MGAT4C: variants seen among roughly 807,000 people sequenced by gnomAD.
MGAT4C encodes MGAT4 family member C.
A neutral mutation model predicts 40.1 loss-of-function variants in MGAT4C; 19 were observed. The ratio of observed to expected loss-of-function variants is 0.47; its 90% CI spans 0.33 to 0.70. MGAT4C has a LOEUF of 0.70. Among genes scored for constraint, MGAT4C ranks in the 30% least tolerant of loss-of-function variants. The pLI is 0.02. For missense variants in MGAT4C, 491 were observed against 563.2 expected, an observed-to-expected ratio of 0.87 and a Z score of 1.30; for synonymous variants, 181 against 187.1, an observed-to-expected ratio of 0.97 and a Z score of 0.27.
At chr12:86,764,406 G>A (rs536668468) in intron 1 of MGAT4C, among the ~76,000 whole-genome samples, 25 of 152,196 alleles carry the variant, frequency 1.6e-4, no homozygotes, top group Admixed American at 1.1e-3. Context: ...GAGGCCTGCC[G>A]GCCTCTGTAG....
At chr12:86,149,814 C>T (rs1338531194) in intron 1 of MGAT4C, among the ~76,000 whole-genome samples, 3 of 151,964 alleles carry the variant, frequency 2.0e-5, no homozygotes, top group Non-Finnish European at 4.4e-5. Flanking sequence ...TGAAGAACTA[C>T]CATGGTTCTC....
At chr12:86,337,774 T>A (rs1451841579) in intron 3 of MGAT4C, among the ~76,000 whole-genome samples, 1 of 152,182 alleles carries the variant, frequency 6.6e-6, no homozygotes, top group East Asian at 1.9e-4. Flanking sequence ...AGGATAAACA[T>A]ACTTCTGCTT....
At chr12:86,600,153 G>T (rs1230501035) in intron 2 of MGAT4C, among the ~76,000 whole-genome samples, 2 of 152,142 alleles carry the variant, frequency 1.3e-5, no homozygotes, top group Non-Finnish European at 2.9e-5. Context: ...TAGAAGCCAT[G>T]AAGAGTAAAA....
intron 2 of MGAT4C, among the ~76,000 whole-genome samples, chr12:86,555,248 T>C (rs1295099442): frequency 6.6e-6 from 1 of 152,126 alleles, no homozygotes; most frequent in African/African-American, 2.4e-5. Flanking sequence ...TAGTGTACCA[T>C]TTTTCTGTAT....
At chr12:86,236,618 A>T (rs559097944) in intron 1 of MGAT4C, among the ~76,000 whole-genome samples, 1 of 152,158 alleles carries the variant, frequency 6.6e-6, no homozygotes, top group East Asian at 1.9e-4. Context: ...GCCAACACAT[A>T]GAATGCTTCT....
intron 2 of MGAT4C, among the ~76,000 whole-genome samples, chr12:86,498,081 G>C (rs1056672740): frequency 2.0e-4 from 30 of 149,374 alleles, no homozygotes; most frequent in Non-Finnish European, 4.2e-4. Context: ...TACTGTAGTA[G>C]ATTTTTGTTT....
At chr12:86,360,430 C>A (rs1210242233) in intron 3 of MGAT4C, among the ~76,000 whole-genome samples, 2 of 152,146 alleles carry the variant, frequency 1.3e-5, no homozygotes, top group Admixed American at 6.6e-5. Context: ...TGGCACAAGA[C>A]AGGGATGCCC....
At chr12:85,981,161 T>C (rs1884561155) in intron 4 of MGAT4C, among the ~76,000 whole-genome samples, 1 of 152,128 alleles carries the variant, frequency 6.6e-6, no homozygotes. Context: ...TTATAGTAAT[T>C]TTGCCTGAAT....
chr12:86,394,960 A>C (rs1261088045), intron 3 of MGAT4C, among the ~76,000 whole-genome samples: 1 of 152,000 alleles, frequency 6.6e-6, no homozygotes, highest in Admixed American at 6.6e-5. Flanking sequence ...TTGTATCACT[A>C]TTTAAATAAT....
chr12:86,214,263 T>C (rs1021503582), intron 1 of MGAT4C, among the ~76,000 whole-genome samples: 47 of 152,306 alleles, frequency 3.1e-4, no homozygotes, highest in African/African-American at 1.1e-3. Flanking sequence ...TGGGTCATTC[T>C]CTGCTCAGAT....
At chr12:86,602,022 G>A (rs1199846725) in intron 2 of MGAT4C, among the ~76,000 whole-genome samples, 3 of 152,164 alleles carry the variant, frequency 2.0e-5, no homozygotes, top group Admixed American at 6.5e-5. Flanking sequence ...GCCGCGGTAC[G>A]TCTGGTCCAG....
chr12:86,217,375 C>T (rs1950713626), intron 1 of MGAT4C, among the ~76,000 whole-genome samples: 1 of 152,110 alleles, frequency 6.6e-6, no homozygotes. Context: ...GTGGTTTCAC[C>T]ATGTTGGCCA....
chr12:86,480,867 T>TC (rs1232903109), intron 2 of MGAT4C, among the ~76,000 whole-genome samples: 1 of 151,900 alleles, frequency 6.6e-6, no homozygotes, highest in East Asian at 1.9e-4. Context: ...TCTTTTTTTT[T>TC]CTTCTTGCTG....
chr12:86,058,039 C>T (rs903040093), intron 1 of MGAT4C, among the ~76,000 whole-genome samples: 19 of 151,990 alleles, frequency 1.3e-4, no homozygotes, highest in South Asian at 4.1e-4. Context: ...ATTAAATGAA[C>T]TTTTGCTTAG....
At chr12:86,657,907 C>T (rs1280729900) in intron 2 of MGAT4C, among the ~76,000 whole-genome samples, 3 of 151,814 alleles carry the variant, frequency 2.0e-5, no homozygotes, top group Admixed American at 1.3e-4. Context: ...TTATAGATTA[C>T]TATGATTGCA....
intron 4 of MGAT4C, among the ~76,000 whole-genome samples, chr12:86,269,010 TTACATA>T (rs1249108279): frequency 1.7e-5 from 1 of 57,478 alleles, no homozygotes; most frequent in African/African-American, 6.4e-5. Context: ...TCTTTCATAC[TTACATA>T]TATATATATA....
At chr12:86,043,511 C>T (rs1892080028) in intron 2 of MGAT4C, among the ~76,000 whole-genome samples, 1 of 152,170 alleles carries the variant, frequency 6.6e-6, no homozygotes, top group South Asian at 2.1e-4. Flanking sequence ...CATTCTTCTA[C>T]CTGCTTTTAT....
chr12:86,455,116 C>T (rs1036015129), intron 2 of MGAT4C, among the ~76,000 whole-genome samples: 2 of 151,914 alleles, frequency 1.3e-5, no homozygotes, highest in African/African-American at 4.8e-5. Flanking sequence ...ATTTTAAAAC[C>T]TCTATGAGTT....
At chr12:86,181,008 C>A (rs753840542) in intron 1 of MGAT4C, among the ~76,000 whole-genome samples, 2 of 152,102 alleles carry the variant, frequency 1.3e-5, no homozygotes, top group Admixed American at 1.3e-4. Flanking sequence ...AGAATTCCCA[C>A]GTGTTGCAAG....
Sources: allele counts gnomAD v4.1 joint callset (sites outside exome capture counted in the v4.1 genomes callset), GRCh38; gene constraint gnomAD v4.1.1; transcripts MANE v1.5; gene names NCBI Gene and HGNC (gene_info 2026-07-23, HGNC 2026-07-21).